The following MB21D2 variants were observed in gnomAD, a reference collection of about 807,000 sequenced individuals.
MB21D2 encodes Mab-21 domain containing 2.
In MB21D2, 9 loss-of-function variants were observed where a neutral mutation model predicts 33.3. That is an observed-to-expected ratio of 0.27 (90% confidence interval 0.16 to 0.47). The LOEUF (loss-of-function observed/expected upper bound fraction) is 0.47, where lower values mean the gene tolerates loss of function less well. Ranked by LOEUF, MB21D2 falls within the 20% of genes least tolerant of loss-of-function variation. The probability of loss-of-function intolerance (pLI) is 0.99; values close to 1 mark genes in which losing one functional copy is unlikely to be tolerated. For synonymous variants in MB21D2, 241 were observed against 236.3 expected, an observed-to-expected ratio of 1.02 and a Z score of -0.18; for missense variants, 540 against 624.6, an observed-to-expected ratio of 0.86 and a Z score of 1.44.
At chr3:192,841,331 T>C (rs1398274711) in intron 1 of MB21D2, among the ~76,000 whole-genome samples, 7 of 152,234 alleles carry the variant, frequency 4.6e-5, no homozygotes, top group African/African-American at 1.7e-4. Flanking sequence ...CCTTAAGTAG[T>C]CACCTCTCAC....
chr3:192,881,358 GCT>G (rs1221946669), intron 1 of MB21D2, among the ~76,000 whole-genome samples: 5 of 152,058 alleles, frequency 3.3e-5, no homozygotes, highest in Admixed American at 2.0e-4. Flanking sequence ...TTGCTCTGTA[GCT>G]CTGTTTCTGG....
intron 1 of MB21D2, among the ~76,000 whole-genome samples, chr3:192,882,436 A>G (rs1225914303): frequency 2.0e-5 from 3 of 152,114 alleles, no homozygotes; most frequent in Non-Finnish European, 4.4e-5. Flanking sequence ...AGGCAGTGAC[A>G]CTAAGGATAA....
At chr3:192,854,924 A>G (rs554343111) in intron 1 of MB21D2, among the ~76,000 whole-genome samples, 10 of 152,330 alleles carry the variant, frequency 6.6e-5, no homozygotes, top group East Asian at 3.9e-4. Flanking sequence ...TCTTTTCAAA[A>G]TATTTCTGCT....
At chr3:192,890,859 C>T (rs1266096904) in intron 1 of MB21D2, among the ~76,000 whole-genome samples, 1 of 151,950 alleles carries the variant, frequency 6.6e-6, no homozygotes, top group Non-Finnish European at 1.5e-5. Flanking sequence ...AATACTAGGT[C>T]CACGCAGAGA....
At chr3:192,806,571 C>T (rs1353799634) in intron 1 of MB21D2, among the ~76,000 whole-genome samples, 1 of 152,182 alleles carries the variant, frequency 6.6e-6, no homozygotes, top group African/African-American at 2.4e-5. Context: ...TCTATAACCT[C>T]CTTGTGGTCA....
chr3:192,870,699 GAAAAAAAAAA>G (rs57320648), intron 1 of MB21D2, among the ~76,000 whole-genome samples: 2 of 41,670 alleles, frequency 4.8e-5, no homozygotes, highest in African/African-American at 1.1e-4. Flanking sequence ...CGACTCCGTT[GAAAAAAAAAA>G]AAAAAAAAAA....
chr3:192,849,921 TC>T (rs1036424133), intron 1 of MB21D2, among the ~76,000 whole-genome samples: 3 of 127,762 alleles, frequency 2.3e-5, no homozygotes, highest in Non-Finnish European at 4.9e-5. Flanking sequence ...ATAAAAATTT[TC>T]TTTTTTTTTT....
chr3:192,807,297 G>C (rs1020535871), intron 1 of MB21D2, among the ~76,000 whole-genome samples: 1 of 147,566 alleles, frequency 6.8e-6, no homozygotes, highest in African/African-American at 2.5e-5. Flanking sequence ...AATTTACAAG[G>C]ACAGTGTTCA....
intron 1 of MB21D2, among the ~76,000 whole-genome samples, chr3:192,889,701 TAACA>T (rs1310259368): frequency 6.6e-6 from 1 of 152,032 alleles, no homozygotes; most frequent in Non-Finnish European, 1.5e-5. Context: ...CCAAAATACC[TAACA>T]AACAAGAAAA....
chr3:192,852,165 G>A (rs1712820461), intron 1 of MB21D2, among the ~76,000 whole-genome samples: 2 of 152,164 alleles, frequency 1.3e-5, no homozygotes, highest in Admixed American at 1.3e-4. Flanking sequence ...GAAAATATGG[G>A]GCGAGATGCC....
intron 1 of MB21D2, among the ~76,000 whole-genome samples, chr3:192,865,002 G>A (rs985295418): frequency 6.6e-6 from 1 of 152,112 alleles, no homozygotes. Flanking sequence ...ATCTCAGATG[G>A]TTTTCCCTCA....
At chr3:192,879,803 C>A (rs963969586) in intron 1 of MB21D2, among the ~76,000 whole-genome samples, 1 of 152,190 alleles carries the variant, frequency 6.6e-6, no homozygotes, top group Admixed American at 6.5e-5. Context: ...ATACCCATAG[C>A]GAGAAAATCT....
intron 1 of MB21D2, among the ~76,000 whole-genome samples, chr3:192,812,254 G>A (rs1312558079): frequency 1.3e-5 from 2 of 152,030 alleles, no homozygotes; most frequent in African/African-American, 4.8e-5. Flanking sequence ...CACCATGTTG[G>A]TCAGGCTGGT....
chr3:192,814,590 C>T (rs186155576), intron 1 of MB21D2, among the ~76,000 whole-genome samples: 127 of 152,142 alleles, frequency 8.3e-4, no homozygotes, highest in Non-Finnish European at 1.2e-3. Flanking sequence ...TGGGCGGGCG[C>T]GGTGGCTCAC....
At chr3:192,895,768 T>A (rs937083628) in intron 1 of MB21D2, among the ~76,000 whole-genome samples, 2 of 152,142 alleles carry the variant, frequency 1.3e-5, no homozygotes, top group African/African-American at 4.8e-5. Flanking sequence ...GCTCTCACTG[T>A]GTTGTCCCGG....
intron 1 of MB21D2, among the ~76,000 whole-genome samples, chr3:192,871,511 G>A (rs6775108): frequency 1.3e-5 from 2 of 151,956 alleles, no homozygotes; most frequent in Admixed American, 1.3e-4. Flanking sequence ...AGCTGATATT[G>A]TATAACAACG....
intron 1 of MB21D2, among the ~76,000 whole-genome samples, chr3:192,859,625 G>A (rs369191962): frequency 7.4e-6 from 1 of 136,020 alleles, no homozygotes; most frequent in Non-Finnish European, 1.5e-5. Context: ...TTTATCCACA[G>A]TACCAAGCCC....
At chr3:192,901,645 G>C (rs575441249) in intron 1 of MB21D2, among the ~76,000 whole-genome samples, 1 of 152,154 alleles carries the variant, frequency 6.6e-6, no homozygotes, top group Non-Finnish European at 1.5e-5. Flanking sequence ...AAGCTGGAAG[G>C]GTTATTCATA....
chr3:192,840,154 C>T (rs1047279436), intron 1 of MB21D2, among the ~76,000 whole-genome samples: 6 of 152,122 alleles, frequency 3.9e-5, no homozygotes, highest in African/African-American at 1.4e-4. Flanking sequence ...CTAATGTCCC[C>T]TGCAGATATA....
Sources: gnomAD v4.1 joint callset for allele counts (sites outside exome capture counted in the v4.1 genomes callset) on GRCh38, gnomAD v4.1.1 for gene constraint, MANE v1.5 for transcripts, NCBI Gene and HGNC (gene_info 2026-07-23, HGNC 2026-07-21) for gene names.